Variants in HHLA2 observed in about 807,000 individuals in gnomAD.
HHLA2 encodes HHLA2 member of B7 family, also known as HERV-H LTR-associating protein 2.
A neutral mutation model predicts 45.9 loss-of-function variants in HHLA2; 48 were observed. The observed-to-expected ratio is 1.05, with a 90% CI of 0.83 to 1.33. The LOEUF (loss-of-function observed/expected upper bound fraction) is 1.33. Among genes scored for constraint, HHLA2 ranks in the 40% most tolerant of loss-of-function variants. The probability of loss-of-function intolerance (pLI) is 0.00; values close to 1 mark genes in which losing one functional copy is unlikely to be tolerated. For synonymous variants in HHLA2, 161 were observed against 173.9 expected (o/e 0.93, Z 0.59); for missense variants, 462 against 494.3 (o/e 0.93, Z 0.62).
intron 8 of HHLA2, among the ~76,000 whole-genome samples, chr3:108,369,456 A>G (rs2082127171): frequency 6.6e-6 from 1 of 152,158 alleles, no homozygotes; most frequent in African/African-American, 2.4e-5. Context: ...GGAGTGCCTG[A>G]CAGTGGGTGC....
intron 2 of HHLA2, among the ~76,000 whole-genome samples, chr3:108,315,659 T>G (rs2081088882): frequency 6.6e-6 from 1 of 152,246 alleles, no homozygotes; most frequent in African/African-American, 2.4e-5. Context: ...TTCAAAATTT[T>G]TGGAAAGCAC....
At chr3:108,350,483 G>T (rs1560244103) in intron 3 of HHLA2, among the ~76,000 whole-genome samples, 1 of 152,090 alleles carries the variant, frequency 6.6e-6, no homozygotes, top group Admixed American at 6.5e-5. Flanking sequence ...ATGTGATGAA[G>T]GAATCTAATT....
At position 108,303,818 on chromosome 3, in the gene HHLA2, AT is replaced by A. The variant is rs574469121; in HGVS notation, c.-191-6828del. 7.5e-3 allele frequency among the ~76,000 whole-genome samples: 1,139 copies of A among 151,298 alleles called. 14 individuals are homozygous for A. Among genetic ancestry groups the A allele is most frequent in the African/African-American group, 0.026 (1,077 of 41,188 alleles). On this transcript the variant is annotated intron_variant, in intron 1 of 10. Transcript: ENST00000619531. ...ATAGTAGGTACGTGATGGGCTCTTG[AT>A]TTTTTTTTCTCATTTTGTCTGAGAC...
intron 3 of HHLA2, among the ~76,000 whole-genome samples, chr3:108,330,933 G>A (rs1466443559): frequency 6.6e-6 from 1 of 152,144 alleles, no homozygotes; most frequent in Non-Finnish European, 1.5e-5. Flanking sequence ...TTAGGTGAAG[G>A]TCTTCTCTGT....
chr3:108,324,615 T>G (rs553660810), intron 2 of HHLA2, among the ~76,000 whole-genome samples: 14 of 152,312 alleles, frequency 9.2e-5, no homozygotes, highest in African/African-American at 2.9e-4. Context: ...GCTTCTAGCT[T>G]CTATGGTAAT....
intron 1 of HHLA2, among the ~76,000 whole-genome samples, chr3:108,307,115 C>T (rs533303376): frequency 9.2e-5 from 14 of 152,194 alleles, no homozygotes; most frequent in Admixed American, 4.6e-4. Context: ...AGCCACTGTG[C>T]CCAGCCCTTT....
At chr3:108,367,025 G>C (rs1280622253) in intron 8 of HHLA2, among the ~76,000 whole-genome samples, 3 of 152,142 alleles carry the variant, frequency 2.0e-5, no homozygotes, top group Non-Finnish European at 4.4e-5. Context: ...AGCAATCTTT[G>C]CTGTTCCGCA....
At chr3:108,342,082 G>A (rs956572020) in intron 3 of HHLA2, among the ~76,000 whole-genome samples, 43 of 152,086 alleles carry the variant, frequency 2.8e-4, no homozygotes, top group African/African-American at 9.2e-4. Context: ...AGGCAGTCGC[G>A]TCCTGCAACA....
intron 8 of HHLA2, among the ~76,000 whole-genome samples, chr3:108,366,053 C>T (rs4855643): frequency 0.27 from 40,612 of 152,048 alleles, 5,564 homozygotes; most frequent in African/African-American, 0.29. Flanking sequence ...CCTTGTCTTG[C>T]GCCGGTTTTC....
At chr3:108,323,336 A>T (rs182691337) in intron 2 of HHLA2, among the ~76,000 whole-genome samples, 83 of 152,252 alleles carry the variant, frequency 5.5e-4, no homozygotes, top group African/African-American at 1.9e-3. Flanking sequence ...ATTCTCCATG[A>T]TGTGCTTATT....
At chr3:108,365,233 G>T (rs894702275) in intron 8 of HHLA2, among the ~76,000 whole-genome samples, 1 of 152,194 alleles carries the variant, frequency 6.6e-6, no homozygotes, top group African/African-American at 2.4e-5. Flanking sequence ...AGTTTGCCCA[G>T]CACCATTTAT....
At chr3:108,345,551 C>A (rs967733426) in intron 3 of HHLA2, among the ~76,000 whole-genome samples, 4 of 152,120 alleles carry the variant, frequency 2.6e-5, no homozygotes, top group African/African-American at 9.7e-5. Flanking sequence ...ACTGGTTAGA[C>A]AAAAAGAGAC....
At position 108,377,236 on chromosome 3, in the gene HHLA2, A is replaced by T. The variant is rs2082290415; in HGVS notation, c.1225-22A>T. On this transcript the variant is annotated intron_variant, in intron 10 of 10. Coordinates refer to ENST00000619531, the Ensembl canonical transcript of HHLA2. ...TCTGACTTGAACAACAGACATTTAG[A>T]GTCTATTTTTCTTGCTTCTAGCCTC... The T allele has an allele frequency of 2.7e-6, 4 of 1,455,882 alleles. 1 individual carries two copies. The highest frequency in any genetic ancestry group is 3.8e-6 in the Non-Finnish European group (4 of 1,040,816). 90.2% of individuals were successfully genotyped at this position (1,455,882 alleles called of 1,614,324 possible). A position where few individuals can be genotyped will look rare whatever the true frequency, so the allele number is the denominator to read the frequency against.
intron 3 of HHLA2, among the ~76,000 whole-genome samples, chr3:108,349,014 CATTTT>C (rs2081725038): frequency 6.6e-6 from 1 of 152,094 alleles, no homozygotes; most frequent in Admixed American, 6.5e-5. Flanking sequence ...ATATGTGCCA[CATTTT>C]CTTTATACAG....
chr3:108,375,230 CA>C (rs918618254), intron 8 of HHLA2, among the ~76,000 whole-genome samples: 2 of 149,006 alleles, frequency 1.3e-5, no homozygotes, highest in African/African-American at 2.5e-5. Context: ...ATCGCAAGGA[CA>C]AAAAACCAAA....
chr3:108,366,068 G>A (rs1459857404), intron 8 of HHLA2, among the ~76,000 whole-genome samples: 1 of 152,160 alleles, frequency 6.6e-6, no homozygotes, highest in African/African-American at 2.4e-5. Context: ...GTTTTCAAGG[G>A]GAATGCTTCC....
At chr3:108,323,609 G>A (rs1480464755) in intron 2 of HHLA2, among the ~76,000 whole-genome samples, 6 of 152,058 alleles carry the variant, frequency 3.9e-5, no homozygotes, top group African/African-American at 7.2e-5. Context: ...CCTGAAATCC[G>A]TACTATGTTC....
In HHLA2 at chr3:108,332,283, T is replaced by G. The variant is rs138525243; in HGVS notation, c.-27+3936T>G. ...CGGTGGGACTAGTGAGTTCCAATAT[T>G]TTAGTGTATTTTATGTAATTCCTTT... On this transcript the variant is annotated intron_variant, in intron 3 of 10. Transcript: ENST00000619531. Among the ~76,000 whole-genome samples, 295 of 152,242 alleles carry G rather than the reference T, an allele frequency of 1.9e-3. 2 individuals are homozygous for G. The highest frequency in any genetic ancestry group is 5.5e-3 in the Admixed American group (84 of 15,282).
chr3:108,322,305 C>A (rs188899860), intron 2 of HHLA2, among the ~76,000 whole-genome samples: 1 of 152,314 alleles, frequency 6.6e-6, no homozygotes, highest in East Asian at 1.9e-4. Flanking sequence ...TACCTTAACT[C>A]TAATCTGTGC....
Sources: gnomAD v4.1 joint callset for allele counts (sites outside exome capture counted in the v4.1 genomes callset) on GRCh38, gnomAD v4.1.1 for gene constraint, MANE v1.5 for transcripts, NCBI Gene and HGNC (gene_info 2026-07-23, HGNC 2026-07-21) for gene names.